COBL: variants seen among roughly 807,000 people sequenced by gnomAD.
COBL encodes the protein cordon-bleu WH2 repeat protein, also known as protein cordon-bleu.
Under a neutral mutation model 98.8 loss-of-function variants are expected in COBL, and 51 were observed. The observed-to-expected ratio is 0.52, with a 90% CI of 0.41 to 0.65. The LOEUF (loss-of-function observed/expected upper bound fraction) is 0.65. Ranked by LOEUF, COBL falls within the 30% of genes least tolerant of loss-of-function variation. The pLI is 0.00. For synonymous variants in COBL, 634 were observed against 651.7 expected (o/e 0.97, Z 0.41); for missense variants, 1,617 against 1,617.5 (o/e 1.00, Z 0.01).
At chr7:51,261,711 A>G (rs571311258) in intron 1 of COBL, among the ~76,000 whole-genome samples, 1 of 152,270 alleles carries the variant, frequency 6.6e-6, no homozygotes, top group African/African-American at 2.4e-5. Context: ...TCACGCCTGT[A>G]GTCCCAGCAC....
intron 5 of COBL, 84 bp downstream of exon 5, chr7:51,184,018 G>C (rs185749604): frequency 1.5e-6 from 1 of 649,650 alleles, no homozygotes; most frequent in Non-Finnish European, 2.6e-6. Context: ...GTTTAGAAAA[G>C]TTCCAGGACA....
At chr7:51,312,492 GATCA>G (rs1380471476) in intron 1 of COBL, among the ~76,000 whole-genome samples, 1 of 152,146 alleles carries the variant, frequency 6.6e-6, no homozygotes, top group Non-Finnish European at 1.5e-5. Context: ...CAAAACTGCA[GATCA>G]ATTACAAAAT....
intron 1 of COBL, among the ~76,000 whole-genome samples, chr7:51,307,378 A>AAAAACG (rs1802585761): frequency 6.6e-6 from 1 of 152,012 alleles, no homozygotes; most frequent in African/African-American, 2.4e-5. Flanking sequence ...AAACAAAAAC[A>AAAAACG]AAAAAAGGAG....
At chr7:51,176,959 G>A (rs56250818) in intron 5 of COBL, among the ~76,000 whole-genome samples, 166 of 152,300 alleles carry the variant, frequency 1.1e-3, no homozygotes, top group African/African-American at 3.9e-3. Flanking sequence ...TTTGGTAAAT[G>A]AGGCTAGTTT....
intron 5 of COBL, among the ~76,000 whole-genome samples, chr7:51,157,596 G>A (rs549946331): frequency 2.6e-5 from 4 of 152,236 alleles, no homozygotes; most frequent in South Asian, 4.1e-4. Flanking sequence ...GAGGCACTCT[G>A]CTCTCTTCTC....
At chr7:51,205,127 C>T (rs1455555038) in intron 2 of COBL, among the ~76,000 whole-genome samples, 3 of 152,116 alleles carry the variant, frequency 2.0e-5, no homozygotes, top group Non-Finnish European at 4.4e-5. Flanking sequence ...CTATCAAAAT[C>T]CCATTGGCAT....
intron 1 of COBL, among the ~76,000 whole-genome samples, chr7:51,224,993 T>G (rs932221750): frequency 6.6e-6 from 1 of 151,994 alleles, no homozygotes; most frequent in Non-Finnish European, 1.5e-5. Context: ...GTGGGTGGAC[T>G]GTGTGTGTGG....
At chr7:51,302,371 C>T (rs1293149793) in intron 1 of COBL, among the ~76,000 whole-genome samples, 1 of 151,984 alleles carries the variant, frequency 6.6e-6, no homozygotes, top group Non-Finnish European at 1.5e-5. Flanking sequence ...CACCTGAGGT[C>T]GGGAGTTCGA....
chr7:51,100,907 A>T (rs1315806446), intron 6 of COBL, among the ~76,000 whole-genome samples: 1 of 98,032 alleles, frequency 1.0e-5, no homozygotes, highest in Non-Finnish European at 2.2e-5. Context: ...CGTCTTCAAT[A>T]AGAAACAAAA....
intron 7 of COBL, among the ~76,000 whole-genome samples, chr7:51,048,921 AG>A (rs1057207056): frequency 6.6e-5 from 10 of 152,210 alleles, no homozygotes; most frequent in African/African-American, 2.4e-4. Flanking sequence ...AGCATGAGGC[AG>A]GGTTTGGCAT....
intron 1 of COBL, among the ~76,000 whole-genome samples, chr7:51,280,586 A>C (rs1799733987): frequency 6.6e-6 from 1 of 152,180 alleles, no homozygotes. Flanking sequence ...AAAGCAGGGT[A>C]AATAAAGCCT....
At chr7:51,073,352 T>C in intron 7 of COBL, 1 of 697,536 alleles carries the variant, frequency 1.4e-6, no homozygotes, top group Non-Finnish European at 2.6e-6. Flanking sequence ...TCAGAAGCGC[T>C]TGGCCTGAGT....
intron 6 of COBL, among the ~76,000 whole-genome samples, chr7:51,128,254 A>C (rs1348639100): frequency 6.6e-6 from 1 of 152,198 alleles, no homozygotes; most frequent in East Asian, 1.9e-4. Context: ...TCCACAACTC[A>C]GATAACAACA....
intron 5 of COBL, among the ~76,000 whole-genome samples, chr7:51,136,746 C>T (rs1430113932): frequency 6.6e-6 from 1 of 152,074 alleles, no homozygotes; most frequent in South Asian, 2.1e-4. Context: ...AGGAAGACAC[C>T]AACAGTCTTG....
At chr7:51,283,952 C>T (rs946408533) in intron 1 of COBL, among the ~76,000 whole-genome samples, 1 of 151,880 alleles carries the variant, frequency 6.6e-6, no homozygotes, top group Non-Finnish European at 1.5e-5. Context: ...CTCATGAATA[C>T]AGATGCAAAA....
In COBL at chr7:51,030,878, C is replaced by T. The variant is rs755122095; in HGVS notation, c.1438G>A (p.Glu480Lys). The change falls in exon 9 of 13, where the codon GAA becomes AAA. Residue 480 changes from glutamate (E) to lysine (K), a missense_variant. Physicochemically the swap from Glu to Lys is moderately conservative, Grantham distance 56. Coordinates refer to ENST00000265136, the MANE Select transcript of COBL (RefSeq NM_015198.5). Reference protein sequence around the residue: ...TEKAVTASNDEEDLLIAGEFR... With the variant: ...TEKAVTASNDKEDLLIAGEFR... ...TCTCCAGCAATTAATAGGTCTTCTT[C>T]ATCATTTGAGGCTGTGACAGCTTTT... 1 of 1,613,248 alleles carries T rather than the reference C, an allele frequency of 6.2e-7. No homozygotes were observed. Among genetic ancestry groups the T allele is most frequent in the East Asian group, 2.2e-5 (1 of 44,886 alleles).
chr7:51,198,593 T>C (rs148656082), intron 2 of COBL, among the ~76,000 whole-genome samples: 41 of 152,374 alleles, frequency 2.7e-4, no homozygotes, highest in African/African-American at 9.1e-4. Flanking sequence ...TCTCTTTTCC[T>C]ATGAATTTCC....
At chr7:51,126,907 C>A (rs888370608) in intron 6 of COBL, among the ~76,000 whole-genome samples, 2 of 152,160 alleles carry the variant, frequency 1.3e-5, no homozygotes, top group African/African-American at 4.8e-5. Flanking sequence ...ATGGCCCATT[C>A]GTCTCGCATG....
Position 51,209,046 on chromosome 7 carries a change from TAAAAAA to T in COBL, c.245+10689_245+10694del, listed in dbSNP as rs572689062. The stretch of plus-strand genomic sequence containing the variant: ...TGAGAAACACCCAAGAATGATCAAT[TAAAAAA>T]AAAAAAAAAAAAAAAAAAAACATTT... On this transcript the variant is annotated intron_variant, in intron 2 of 12. Transcript: ENST00000265136. Among the ~76,000 whole-genome samples the T allele has an allele frequency of 9.2e-5, 4 of 43,426 alleles. 1 individual carries two copies. The highest frequency in any genetic ancestry group is 1.4e-4 in the Non-Finnish European group (3 of 21,596). The allele number at this position is 43,426 out of a possible 152,430, so 28.5% of individuals were successfully genotyped here. A position where few individuals can be genotyped will look rare whatever the true frequency, so the allele number is the denominator to read the frequency against.
Sources: gnomAD v4.1 joint callset for allele counts (sites outside exome capture counted in the v4.1 genomes callset) on GRCh38, gnomAD v4.1.1 for gene constraint, MANE v1.5 for transcripts, NCBI Gene and HGNC (gene_info 2026-07-23, HGNC 2026-07-21) for gene names.